SERP2: variants seen among roughly 807,000 people sequenced by gnomAD.
SERP2 encodes stress associated endoplasmic reticulum protein family member 2.
In SERP2, 6 loss-of-function variants were observed where a neutral mutation model predicts 9.1. That is an observed-to-expected ratio of 0.66 (90% confidence interval 0.36 to 1.30). SERP2 has a LOEUF of 1.30. Among genes scored for constraint, SERP2 ranks in the 50% most tolerant of loss-of-function variants. SERP2 has a pLI of 0.03. For missense variants in SERP2, 58 were observed against 81.9 expected (o/e 0.71, Z 1.13); for synonymous variants, 37 against 27.3 (o/e 1.35, Z -1.10).
chr13:44,374,055 T>A lies in SERP2; in HGVS notation c.30T>A (p.Ala10=), dbSNP rs1157013640. The A allele has an allele frequency of 6.3e-7, 1 of 1,588,040 alleles. No individual in the cohort carries two copies. Among genetic ancestry groups the A allele is most frequent in the Admixed American group, 1.7e-5 (1 of 57,866 alleles). The change falls in exon 1 of 3, where the codon GCT becomes GCA. Residue 10 remains alanine (A), a synonymous_variant. Coordinates refer to ENST00000379179, the MANE Select transcript of SERP2 (RefSeq NM_001010897.3). The stretch of plus-strand genomic sequence containing the variant: ...TGGCCAAACAGCGGATCCGGATGGC[T>A]AACGAGAAGCACAGCAAAAACATCA... MVAKQRIRM[A]NEKHSKNITQ...
intron 1 of SERP2, 68 bp downstream of exon 1, chr13:44,374,177 C>A: frequency 6.6e-6 from 1 of 151,762 alleles, no homozygotes; most frequent in Non-Finnish European, 1.2e-5. Flanking sequence ...AAGGTGGGGG[C>A]GGGGCCGGGC....
At chr13:44,397,210 TG>T in intron 2 of SERP2, 61 bp from the exon 3 acceptor site, 1 of 1,440,964 alleles carries the variant, frequency 6.9e-7, no homozygotes, top group Non-Finnish European at 9.8e-7. Flanking sequence ...GGGCTCACTG[TG>T]GGCTGGGTTT....
intron 2 of SERP2, among the ~76,000 whole-genome samples, chr13:44,391,514 C>T (rs781197340): frequency 2.0e-5 from 3 of 152,162 alleles, no homozygotes; most frequent in Non-Finnish European, 2.9e-5. Flanking sequence ...AGTAATCACA[C>T]CAAAACACTT....
At chr13:44,388,192 T>A (rs1364302902) in intron 2 of SERP2, among the ~76,000 whole-genome samples, 1 of 152,074 alleles carries the variant, frequency 6.6e-6, no homozygotes. Flanking sequence ...GGGAAATAAA[T>A]GAAACAGCAG....
At chr13:44,377,064 T>TA (rs1434909444) in intron 1 of SERP2, among the ~76,000 whole-genome samples, 1 of 152,144 alleles carries the variant, frequency 6.6e-6, no homozygotes, top group Non-Finnish European at 1.5e-5. Context: ...GCACCCCTTC[T>TA]AAAAAGTAGT....
intron 2 of SERP2, among the ~76,000 whole-genome samples, chr13:44,387,880 CTCTT>C (rs1872407752): frequency 6.6e-6 from 1 of 152,178 alleles, no homozygotes; most frequent in African/African-American, 2.4e-5. Flanking sequence ...TATTTCTCTA[CTCTT>C]TCTCTGGCCA....
At chr13:44,382,871 T>C (rs1185051319) in intron 2 of SERP2, among the ~76,000 whole-genome samples, 1 of 152,232 alleles carries the variant, frequency 6.6e-6, no homozygotes, top group Non-Finnish European at 1.5e-5. Flanking sequence ...AAGCTGTCAG[T>C]TGCAGCCCAG....
chr13:44,376,094 A>C (rs1871632320), intron 1 of SERP2, among the ~76,000 whole-genome samples: 1 of 152,240 alleles, frequency 6.6e-6, no homozygotes. Context: ...GGCCCAGCTA[A>C]ATTTGTAATG....
At chr13:44,385,253 A>G (rs2138787503) in intron 2 of SERP2, among the ~76,000 whole-genome samples, 1 of 152,214 alleles carries the variant, frequency 6.6e-6, no homozygotes, top group African/African-American at 2.4e-5. Flanking sequence ...TGTGCCTTTC[A>G]TGCCTGCCAT....
Position 44,397,426 on chromosome 13 carries a change from C to T in SERP2, c.*114C>T. The T allele has an allele frequency of 5.0e-6, 4 of 793,694 alleles. No individual in the cohort carries two copies. Among genetic ancestry groups the T allele is most frequent in the Non-Finnish European group, 6.4e-6 (3 of 466,128 alleles). 49.2% of individuals were successfully genotyped at this position (793,694 alleles called of 1,614,324 possible). A position where few individuals can be genotyped will look rare whatever the true frequency, so the allele number is the denominator to read the frequency against. On this transcript the variant is annotated 3_prime_UTR_variant, in exon 3 of 3. Coordinates refer to ENST00000379179, the MANE Select transcript of SERP2 (RefSeq NM_001010897.3). ...GCCACACGGAATAGAAAAAAACGCT[C>T]CCCCACTTGTTCCCTGATCACTTCA...
chr13:44,396,862 T>C (rs1373431491), intron 2 of SERP2, among the ~76,000 whole-genome samples: 1 of 152,146 alleles, frequency 6.6e-6, no homozygotes, highest in Non-Finnish European at 1.5e-5. Context: ...ACAGGGCTCA[T>C]TGTTTTACAG....
intron 2 of SERP2, among the ~76,000 whole-genome samples, chr13:44,383,933 A>G (rs919675499): frequency 6.6e-6 from 1 of 152,112 alleles, no homozygotes; most frequent in South Asian, 2.1e-4. Context: ...TAGACATGAA[A>G]TGAGAGTTGA....
Position 44,378,349 on chromosome 13 carries a change from T to G in SERP2, c.85-1292T>G, listed in dbSNP as rs187345498. Among the ~76,000 whole-genome samples, 37 of 152,362 alleles carry G rather than the reference T, an allele frequency of 2.4e-4. No individual in the cohort carries two copies. The East Asian group carries it at 5.8e-3, about 24-fold the overall frequency. ...TCAACATTTCAAAAACTTACATCCT[T>G]GATGATAGCACCACTCGTTTTTTTT... On this transcript the variant is annotated intron_variant, in intron 1 of 2. Coordinates refer to ENST00000379179, the MANE Select transcript of SERP2 (RefSeq NM_001010897.3).
chr13:44,377,277 G>C (rs1446913956), intron 1 of SERP2, among the ~76,000 whole-genome samples: 1 of 152,192 alleles, frequency 6.6e-6, no homozygotes, highest in African/African-American at 2.4e-5. Flanking sequence ...TTCATTACAG[G>C]CTTCTGAATT....
At chr13:44,396,313 C>T (rs748416511) in intron 2 of SERP2, among the ~76,000 whole-genome samples, 1 of 151,838 alleles carries the variant, frequency 6.6e-6, no homozygotes, top group Middle Eastern at 3.4e-3. Flanking sequence ...TCTGTTTTAC[C>T]GTGGATCCTG....
In SERP2 at chr13:44,376,764, G is replaced by A. The variant is rs145762346; in HGVS notation, c.84+2655G>A. Among the ~76,000 whole-genome samples the A allele has an allele frequency of 1.8e-3, 267 of 151,362 alleles. 2 individuals carry two copies. Among genetic ancestry groups the A allele is most frequent in the Middle Eastern group, 0.01 (3 of 294 alleles). ...CACTCCAGTCTGGGTGACAGAGCAA[G>A]ACTCCGTCTAAAAAAAAAAAGGAAA... On this transcript the variant is annotated intron_variant, in intron 1 of 2. Transcript: ENST00000379179.
At chr13:44,389,156 G>T (rs747593710) in intron 2 of SERP2, among the ~76,000 whole-genome samples, 13 of 152,180 alleles carry the variant, frequency 8.5e-5, no homozygotes, top group African/African-American at 1.2e-4. Context: ...TTTGAGGAAG[G>T]TCTGTATTTT....
chr13:44,388,473 T>C (rs1261773676), intron 2 of SERP2, among the ~76,000 whole-genome samples: 1 of 152,204 alleles, frequency 6.6e-6, no homozygotes, highest in African/African-American at 2.4e-5. Flanking sequence ...TCTTTGCCCA[T>C]CAAATAGGAA....
chr13:44,395,830 C>A (rs1299795164), intron 2 of SERP2: 3 of 457,004 alleles, frequency 6.6e-6, no homozygotes, highest in Non-Finnish European at 1.3e-5. Flanking sequence ...TAGTACAGGA[C>A]CCACTGCAGA....
Sources: gnomAD v4.1 joint callset for allele counts (sites outside exome capture counted in the v4.1 genomes callset) on GRCh38, gnomAD v4.1.1 for gene constraint, MANE v1.5 for transcripts, NCBI Gene and HGNC (gene_info 2026-07-23, HGNC 2026-07-21) for gene names.